PCNX2: variants seen among roughly 807,000 people sequenced by gnomAD.
The protein encoded by PCNX2 is pecanex-like protein 2.
PCNX2 carries 168 observed loss-of-function variants against 223.8 expected under a neutral mutation model. That is an observed-to-expected ratio of 0.75 (90% CI 0.66 to 0.85). The LOEUF (loss-of-function observed/expected upper bound fraction) is 0.85. Among genes scored for constraint, PCNX2 ranks in the 40% least tolerant of loss-of-function variants. The pLI is 0.00. For missense variants in PCNX2, 2,507 were observed against 2,675.5 expected, an observed-to-expected ratio of 0.94 and a Z score of 1.39; for synonymous variants, 1,006 against 1,052.6, an observed-to-expected ratio of 0.96 and a Z score of 0.86.
intron 1 of PCNX2, among the ~76,000 whole-genome samples, chr1:233,276,145 G>A (rs938483790): frequency 1.3e-5 from 2 of 152,180 alleles, no homozygotes; most frequent in African/African-American, 4.8e-5. Context: ...CTCTTGAAAA[G>A]GAGGGAAATC....
chr1:233,182,507 C>T (rs772373269), intron 15 of PCNX2, among the ~76,000 whole-genome samples: 5 of 152,096 alleles, frequency 3.3e-5, no homozygotes, highest in African/African-American at 1.2e-4. Context: ...CTCCAAAAGG[C>T]TAATCGGATC....
At chr1:233,292,490 T>G (rs1393006732) in intron 1 of PCNX2, among the ~76,000 whole-genome samples, 1 of 152,200 alleles carries the variant, frequency 6.6e-6, no homozygotes, top group East Asian at 1.9e-4. Context: ...ATTACAGGCA[T>G]GAGCCACCAC....
At chr1:233,018,398 CCAGA>C (rs1425779022) in intron 26 of PCNX2, among the ~76,000 whole-genome samples, 1 of 152,100 alleles carries the variant, frequency 6.6e-6, no homozygotes, top group Admixed American at 6.5e-5. Flanking sequence ...TCCTGAGTGC[CCAGA>C]CAGTGGACAT....
At chr1:233,178,604 C>G (rs925177458) in intron 16 of PCNX2, among the ~76,000 whole-genome samples, 2 of 152,150 alleles carry the variant, frequency 1.3e-5, no homozygotes, top group Non-Finnish European at 2.9e-5. Context: ...AGATTGGGAA[C>G]AACAACAACA....
At chr1:233,096,415 G>T (rs1468541192) in intron 21 of PCNX2, among the ~76,000 whole-genome samples, 1 of 152,166 alleles carries the variant, frequency 6.6e-6, no homozygotes, top group Non-Finnish European at 1.5e-5. Context: ...AAATACAGAA[G>T]AGAGACCTCA....
In PCNX2 at chr1:233,139,769, T is replaced by C; in HGVS notation, c.3604A>G (p.Asn1202Asp). The C allele has an allele frequency of 6.2e-7, 1 of 1,611,990 alleles. No homozygotes were observed. Among genetic ancestry groups the C allele is most frequent in the Non-Finnish European group, 8.5e-7 (1 of 1,179,030 alleles). Residue 1202 changes from asparagine to aspartate, a missense_variant, in exon 20 of 34, where the codon AAT (asparagine) becomes GAT (aspartate). Around this residue, in one of 3 missense-constraint regions of PCNX2, gnomAD observed 1,372 missense variants for 1,509.4 expected, o/e 0.91. Transcript: ENST00000258229. This position sits in a 1 kb window ranked among gnomAD's most constrained non-coding sequence, Gnocchi z 4.4. ...AAAAATGCATCAATAGTGAGGGCAT[T>C]CAAAATTAGCGCTGGGTACAAGATG... The part of the protein sequence containing the change: ...KYILYPALIL[N>D]ALTIDAFLIS...
intron 10 of PCNX2, among the ~76,000 whole-genome samples, chr1:233,218,959 C>T (rs780850055): frequency 2.6e-5 from 4 of 152,058 alleles, no homozygotes; most frequent in Non-Finnish European, 2.9e-5. Flanking sequence ...TTTCAGGAGC[C>T]AGGAGAGCTC....
At chr1:233,088,308 G>T (rs994086134) in intron 23 of PCNX2, among the ~76,000 whole-genome samples, 1 of 152,156 alleles carries the variant, frequency 6.6e-6, no homozygotes, top group East Asian at 1.9e-4. Context: ...GAGGCAAAAA[G>T]AAATCTTTTG....
At chr1:233,211,159 C>T (rs1054352269) in intron 12 of PCNX2, among the ~76,000 whole-genome samples, 7 of 152,052 alleles carry the variant, frequency 4.6e-5, no homozygotes, top group Non-Finnish European at 7.4e-5. Context: ...TAGAGGCACA[C>T]GGCTTGGCCT....
intron 15 of PCNX2, among the ~76,000 whole-genome samples, chr1:233,196,031 G>A (rs1680708341): frequency 6.6e-6 from 1 of 152,088 alleles, no homozygotes; most frequent in Non-Finnish European, 1.5e-5. Flanking sequence ...ATATTATATA[G>A]CTGCAGTAAT....
intron 15 of PCNX2, among the ~76,000 whole-genome samples, chr1:233,197,382 G>A (rs1558332562): frequency 6.6e-6 from 1 of 152,060 alleles, no homozygotes; most frequent in Non-Finnish European, 1.5e-5. Context: ...AAAAGACAGT[G>A]GAAAGATGTT....
At chr1:233,306,518 A>G in the PCNX2 span, among the ~76,000 whole-genome samples, 1 of 152,210 alleles carries the variant, frequency 6.6e-6, no homozygotes, top group Non-Finnish European at 1.5e-5. Context: ...TAATCAATCT[A>G]TCTGGGGAAA....
At chr1:233,291,365 T>G (rs1661752157) in intron 1 of PCNX2, among the ~76,000 whole-genome samples, 1 of 152,122 alleles carries the variant, frequency 6.6e-6, no homozygotes, top group South Asian at 2.1e-4. Flanking sequence ...ATCCCAGCAC[T>G]TTGAGAGGCC....
chr1:233,280,921 C>A (rs1301488003), intron 1 of PCNX2, among the ~76,000 whole-genome samples: 1 of 152,090 alleles, frequency 6.6e-6, no homozygotes, highest in Non-Finnish European at 1.5e-5. Flanking sequence ...ATAATTAATA[C>A]ACTGGCACAT....
At chr1:233,161,428 G>C (rs1198047258) in intron 17 of PCNX2, 65 bp from the exon 18 acceptor site, 2 of 1,391,506 alleles carry the variant, frequency 1.4e-6, no homozygotes, top group Admixed American at 1.8e-5. Context: ...GTGTAACCAG[G>C]TAAATCAAGC....
intron 1 of PCNX2, among the ~76,000 whole-genome samples, chr1:233,273,631 T>G (rs1486126840): frequency 1.8e-5 from 1 of 56,588 alleles, no homozygotes; most frequent in Admixed American, 1.3e-4. Context: ...TCTTTTGGCA[T>G]TTTTTTTTTT....
intron 15 of PCNX2, among the ~76,000 whole-genome samples, chr1:233,195,430 CA>C (rs1445300253): frequency 1.3e-5 from 2 of 152,092 alleles, no homozygotes; most frequent in Non-Finnish European, 2.9e-5. Flanking sequence ...AGCACTTTGT[CA>C]ACATTGCTCT....
chr1:233,301,795 C>CT, the PCNX2 span, among the ~76,000 whole-genome samples: 11,645 of 132,418 alleles, frequency 0.088, 721 homozygotes, highest in Middle Eastern at 0.16. Context: ...AGGGAACAAG[C>CT]TTTTTTTTTT....
At position 233,017,169 on chromosome 1, in the gene PCNX2, CCAGG is replaced by C. The variant is rs111285582; in HGVS notation, c.4606-19_4606-16del. The C allele has an allele frequency of 3.6e-5, 56 of 1,534,396 alleles. No individual in the cohort carries two copies. The highest frequency in any genetic ancestry group is 4.5e-5 in the Non-Finnish European group (50 of 1,119,542). On this transcript the variant is annotated splice_polypyrimidine_tract_variant and intron_variant, in intron 26 of 33. Coordinates refer to ENST00000258229, the MANE Select transcript of PCNX2 (RefSeq NM_014801.4). ...TATATTATACTCTGCAGAGAAAAAG[CCAGG>C]AAGATTTTATTTATTAATTTAATCT...
Sources: gnomAD v4.1 joint callset for allele counts (sites outside exome capture counted in the v4.1 genomes callset) on GRCh38, gnomAD v4.1.1 for gene constraint, gnomAD v4.1.1 regional missense constraint, Gnocchi (gnomAD v3.1) non-coding constraint, MANE v1.5 for transcripts, NCBI Gene and HGNC (gene_info 2026-07-23, HGNC 2026-07-21) for gene names.